IMMP2L: variants seen among roughly 807,000 people sequenced by gnomAD.
IMMP2L encodes the protein mitochondrial inner membrane protease subunit 2.
A neutral mutation model predicts 19.3 loss-of-function variants in IMMP2L; 18 were observed. That is an observed-to-expected ratio of 0.93 (90% CI 0.64 to 1.38). The LOEUF (loss-of-function observed/expected upper bound fraction) is 1.38, where lower values mean the gene tolerates loss of function less well. Ranked by LOEUF, IMMP2L falls within the 40% of genes most tolerant of loss-of-function variation. IMMP2L has a pLI of 0.00. For synonymous variants in IMMP2L, 76 were observed against 73.0 expected (o/e 1.04, Z -0.21); for missense variants, 233 against 218.2 (o/e 1.07, Z -0.43).
chr7:110,920,940 T>C (rs1045096372), intron 4 of IMMP2L, among the ~76,000 whole-genome samples: 2 of 152,210 alleles, frequency 1.3e-5, no homozygotes, highest in South Asian at 4.1e-4. Flanking sequence ...ACAGACTTTA[T>C]TTAGATTTCA....
At chr7:110,774,651 A>C (rs1217705752) in intron 5 of IMMP2L, among the ~76,000 whole-genome samples, 3 of 152,052 alleles carry the variant, frequency 2.0e-5, no homozygotes, top group Non-Finnish European at 4.4e-5. Flanking sequence ...TTAGATGCAC[A>C]GGTACTTACA....
intron 5 of IMMP2L, among the ~76,000 whole-genome samples, chr7:110,722,567 C>T (rs1239198844): frequency 6.6e-6 from 1 of 152,110 alleles, no homozygotes; most frequent in African/African-American, 2.4e-5. Flanking sequence ...ATTTTCTCCA[C>T]ATAAAAGTTG....
In IMMP2L at chr7:111,123,513, G is replaced by T; in HGVS notation, c.240-159948C>A. 1 of 1,613,820 alleles carries T rather than the reference G, an allele frequency of 6.2e-7. No individual in the cohort carries two copies. The highest frequency in any genetic ancestry group is 8.5e-7 in the Non-Finnish European group (1 of 1,179,934). ...AAAGCATCTCTTTTTACGATAACAG[G>T]CTTATTAAAGTACCCCATGTTGCTC... On this transcript the variant is annotated intron_variant, in intron 3 of 5. Coordinates refer to ENST00000405709, the MANE Select transcript of IMMP2L (RefSeq NM_032549.4). This position sits in a 1 kb window ranked among gnomAD's most constrained non-coding sequence, Gnocchi z 6.4.
chr7:111,195,458 A>T (rs1447147618), intron 3 of IMMP2L, among the ~76,000 whole-genome samples: 3 of 152,152 alleles, frequency 2.0e-5, no homozygotes, highest in Admixed American at 2.0e-4. Flanking sequence ...AGAATATAGG[A>T]GGTAACACTA....
chr7:110,918,308 TAGG>T (rs1813847018), intron 4 of IMMP2L, among the ~76,000 whole-genome samples: 1 of 152,074 alleles, frequency 6.6e-6, no homozygotes, highest in African/African-American at 2.4e-5. Flanking sequence ...TAGACTTAGT[TAGG>T]AGAAGGAAGT....
intron 3 of IMMP2L, among the ~76,000 whole-genome samples, chr7:111,332,077 C>G (rs1322529446): frequency 6.6e-6 from 1 of 151,770 alleles, no homozygotes; most frequent in Non-Finnish European, 1.5e-5. Context: ...GACAAAAAGG[C>G]TGTTTTATAG....
intron 4 of IMMP2L, among the ~76,000 whole-genome samples, chr7:110,898,902 A>G (rs1585186099): frequency 6.6e-6 from 1 of 151,372 alleles, no homozygotes; most frequent in East Asian, 1.9e-4. Context: ...AGCTCAGGAA[A>G]CCTGCCTTTG....
At chr7:111,038,844 GGAATT>G (rs765258398) in intron 3 of IMMP2L, among the ~76,000 whole-genome samples, 55 of 152,058 alleles carry the variant, frequency 3.6e-4, no homozygotes, top group African/African-American at 7.2e-5. Flanking sequence ...TAAAATCCAG[GGAATT>G]GAATATTGGA....
At chr7:110,944,769 T>C (rs920238018) in intron 4 of IMMP2L, among the ~76,000 whole-genome samples, 3 of 151,768 alleles carry the variant, frequency 2.0e-5, no homozygotes, top group Admixed American at 6.6e-5. Context: ...CATATACAAG[T>C]GTATGGGTGT....
chr7:111,261,569 T>C (rs182548588), intron 3 of IMMP2L, among the ~76,000 whole-genome samples: 1 of 152,230 alleles, frequency 6.6e-6, no homozygotes, highest in Non-Finnish European at 1.5e-5. Flanking sequence ...GTCTAGTGAA[T>C]AAGACATATA....
intron 2 of IMMP2L, among the ~76,000 whole-genome samples, chr7:111,493,173 T>A (rs913054675): frequency 6.6e-6 from 1 of 152,156 alleles, no homozygotes. Flanking sequence ...ATTTTTTGTG[T>A]CTCATCAAGT....
At chr7:111,211,393 A>G (rs1235316807) in intron 3 of IMMP2L, among the ~76,000 whole-genome samples, 2 of 152,198 alleles carry the variant, frequency 1.3e-5, no homozygotes, top group South Asian at 2.1e-4. Flanking sequence ...AAGGAAAGAC[A>G]TAAGAAAGAC....
At chr7:111,509,278 C>A (rs1845227528) in intron 2 of IMMP2L, among the ~76,000 whole-genome samples, 1 of 151,914 alleles carries the variant, frequency 6.6e-6, no homozygotes, top group Non-Finnish European at 1.5e-5. Context: ...TAATAAGTAC[C>A]CCAGATTATG....
rs562756037 is a variant in IMMP2L at position 111,085,932 on chromosome 7, G to C, written c.240-122367C>G. Among the ~76,000 whole-genome samples the C allele has an allele frequency of 1.6e-4, 25 of 152,230 alleles. 1 individual carries two copies. Among genetic ancestry groups the C allele is most frequent in the South Asian group, 1.0e-3 (5 of 4,826 alleles). ...GTTCTCACTTATAAGTGGGGGCTAA[G>C]TGATGAAAAATCAACAGCCACTGGT... On this transcript the variant is annotated intron_variant, in intron 3 of 5. Transcript: ENST00000405709.
At chr7:110,825,095 A>G (rs1392103433) in intron 5 of IMMP2L, among the ~76,000 whole-genome samples, 1 of 152,174 alleles carries the variant, frequency 6.6e-6, no homozygotes, top group Non-Finnish European at 1.5e-5. Flanking sequence ...AATTGCTTCA[A>G]AGAGAATAAA....
chr7:111,071,521 A>T (rs1286004322), intron 3 of IMMP2L, among the ~76,000 whole-genome samples: 1 of 152,214 alleles, frequency 6.6e-6, no homozygotes, highest in Non-Finnish European at 1.5e-5. Flanking sequence ...GGAGAAACAA[A>T]ATGTTATATA....
chr7:110,834,517 T>G (rs1031981480), intron 5 of IMMP2L, among the ~76,000 whole-genome samples: 2 of 152,264 alleles, frequency 1.3e-5, no homozygotes, highest in Middle Eastern at 3.4e-3. Flanking sequence ...AGACAACCCC[T>G]GGAAGGAAGA....
chr7:111,107,179 C>G (rs113852946), intron 3 of IMMP2L, among the ~76,000 whole-genome samples: 1 of 151,756 alleles, frequency 6.6e-6, no homozygotes, highest in African/African-American at 2.4e-5. Flanking sequence ...CCCTTTCCCT[C>G]TCTCTCCTTC....
chr7:111,097,647 A>C (rs1797544648), intron 3 of IMMP2L, among the ~76,000 whole-genome samples: 1 of 151,946 alleles, frequency 6.6e-6, no homozygotes, highest in Admixed American at 6.6e-5. Context: ...TCATGTTTTT[A>C]TGTCATTAGA....
Sources: allele counts gnomAD v4.1 joint callset (sites outside exome capture counted in the v4.1 genomes callset), GRCh38; gene constraint gnomAD v4.1.1; non-coding constraint Gnocchi (gnomAD v3.1); transcripts MANE v1.5; gene names NCBI Gene and HGNC (gene_info 2026-07-23, HGNC 2026-07-21).